Variants in CDH13 observed in about 807,000 individuals in gnomAD.
The protein encoded by CDH13 is cadherin 13, also known as cadherin-13.
A neutral mutation model predicts 63.8 loss-of-function variants in CDH13; 24 were observed. That is an observed-to-expected ratio of 0.38 (90% CI 0.27 to 0.53). The LOEUF is 0.53. CDH13 is among the 20% of genes least tolerant of loss of function. The pLI, the probability that CDH13 is intolerant of heterozygous loss-of-function variation, is 0.85. For synonymous variants in CDH13, 503 were observed against 355.3 expected (o/e 1.42, Z -4.67); for missense variants, 1,049 against 903.1 (o/e 1.16, Z -2.07).
chr16:83,167,499 C>CAAAAAAAAAAAAAAA (rs11430454), intron 4 of CDH13, among the ~76,000 whole-genome samples: 49 of 99,520 alleles, frequency 4.9e-4, no homozygotes, highest in African/African-American at 2.0e-3. Context: ...GACCCTTTCC[C>CAAAAAAAAAAAAAAA]AAAAAAAAAA....
intron 2 of CDH13, among the ~76,000 whole-genome samples, chr16:83,030,497 G>A (rs146049545): frequency 0.031 from 4,666 of 151,920 alleles, 95 homozygotes; most frequent in Non-Finnish European, 0.044. Context: ...ACAAAAATTA[G>A]CCAGGCATGA....
chr16:83,349,087 C>T (rs1489830019), intron 6 of CDH13, among the ~76,000 whole-genome samples: 2 of 152,188 alleles, frequency 1.3e-5, no homozygotes, highest in East Asian at 1.9e-4. Context: ...CTGCTCAGCA[C>T]TGAACTCCGG....
At chr16:83,247,574 C>G (rs2113291) in intron 5 of CDH13, among the ~76,000 whole-genome samples, 1 of 152,040 alleles carries the variant, frequency 6.6e-6, no homozygotes, top group Admixed American at 6.5e-5. Flanking sequence ...TCATGAAATC[C>G]TCTTTAAATA....
intron 4 of CDH13, among the ~76,000 whole-genome samples, chr16:83,154,722 G>A (rs1285379011): frequency 6.6e-6 from 1 of 152,128 alleles, no homozygotes; most frequent in Non-Finnish European, 1.5e-5. Context: ...ATTAGACACA[G>A]ACCCTGCCAG....
chr16:82,723,701 A>G (rs2032923252), intron 1 of CDH13, among the ~76,000 whole-genome samples: 1 of 152,190 alleles, frequency 6.6e-6, no homozygotes, highest in Non-Finnish European at 1.5e-5. Flanking sequence ...GTGAAAGATA[A>G]ATCTTTACAA....
At chr16:83,093,273 C>T (rs890401398) in intron 3 of CDH13, among the ~76,000 whole-genome samples, 1 of 121,064 alleles carries the variant, frequency 8.3e-6, no homozygotes, top group Non-Finnish European at 1.7e-5. Context: ...TTGGATTTGT[C>T]CTGTGGAAAC....
intron 6 of CDH13, among the ~76,000 whole-genome samples, chr16:83,450,072 A>G (rs2072842892): frequency 6.6e-6 from 1 of 152,118 alleles, no homozygotes; most frequent in Non-Finnish European, 1.5e-5. Flanking sequence ...CGACATCCCA[A>G]CTCTGACCCA....
chr16:83,187,666 C>CTCCA (rs1490805512), intron 4 of CDH13, among the ~76,000 whole-genome samples: 2 of 152,180 alleles, frequency 1.3e-5, no homozygotes, highest in African/African-American at 4.8e-5. Context: ...ATGCATTGAG[C>CTCCA]TCCAGCTACA....
chr16:83,260,376 C>T (rs1428268360), intron 5 of CDH13, among the ~76,000 whole-genome samples: 2 of 152,068 alleles, frequency 1.3e-5, no homozygotes, highest in African/African-American at 2.4e-5. Context: ...GGCTAGGTGT[C>T]CAGTGTTCTG....
chr16:83,057,534 A>G (rs1460115417), intron 3 of CDH13, among the ~76,000 whole-genome samples: 1 of 151,918 alleles, frequency 6.6e-6, no homozygotes, highest in Non-Finnish European at 1.5e-5. Flanking sequence ...TAGTAATTGG[A>G]TGACTCCCGC....
chr16:83,446,484 TA>T (rs2072692432), intron 6 of CDH13, among the ~76,000 whole-genome samples: 1 of 152,142 alleles, frequency 6.6e-6, no homozygotes, highest in African/African-American at 2.4e-5. Context: ...TAAAATAATG[TA>T]AATTATTCCC....
intron 2 of CDH13, chr16:82,884,212 A>G (rs1024980029): frequency 1.9e-4 from 87 of 455,774 alleles, no homozygotes; most frequent in African/African-American, 1.4e-3. Flanking sequence ...ACAGACTTTT[A>G]AAGTAGAGGC....
chr16:82,690,713 A>G (rs559869026), intron 1 of CDH13, among the ~76,000 whole-genome samples: 2 of 152,360 alleles, frequency 1.3e-5, no homozygotes, highest in East Asian at 3.9e-4. Context: ...GTTGTTCATG[A>G]ATAAAAGAAA....
chr16:83,136,949 A>G (rs1363197795), intron 4 of CDH13, among the ~76,000 whole-genome samples: 2 of 152,206 alleles, frequency 1.3e-5, no homozygotes, highest in Admixed American at 1.3e-4. Flanking sequence ...GCCAGTTTCA[A>G]GCTAGCAGCT....
At position 83,574,491 on chromosome 16, in the gene CDH13, G is replaced by C. The variant is rs554896555; in HGVS notation, c.961-27963G>C. On this transcript the variant is annotated intron_variant, in intron 7 of 13. Coordinates refer to ENST00000567109, the MANE Select transcript of CDH13 (RefSeq NM_001257.5). ...GCTGAGAACCAAATACCCAGGTCTG[G>C]ATTAGGTGTGTCACTTACAGTTGCT... Among the ~76,000 whole-genome samples, 16 of 152,268 alleles carry C rather than the reference G, an allele frequency of 1.1e-4. No homozygotes were observed. In the South Asian group the frequency reaches 3.3e-3, roughly 32 times the overall value.
chr16:83,128,799 G>A (rs975562739), intron 4 of CDH13, among the ~76,000 whole-genome samples: 1 of 152,172 alleles, frequency 6.6e-6, no homozygotes, highest in African/African-American at 2.4e-5. Flanking sequence ...AAGCAATTTG[G>A]TTTGCAAGCT....
chr16:83,086,155 G>C (rs2033582969), intron 3 of CDH13, among the ~76,000 whole-genome samples: 2 of 152,190 alleles, frequency 1.3e-5, no homozygotes, highest in Admixed American at 6.5e-5. Flanking sequence ...CAGGCCACTG[G>C]TGTCTTCCAG....
At chr16:83,587,591 A>C (rs1278645184) in intron 7 of CDH13, among the ~76,000 whole-genome samples, 1 of 152,188 alleles carries the variant, frequency 6.6e-6, no homozygotes, top group African/African-American at 2.4e-5. Flanking sequence ...CGCCCTTCTA[A>C]CTGCACTTGA....
At chr16:83,619,942 G>A (rs944486262) in intron 8 of CDH13, among the ~76,000 whole-genome samples, 1 of 152,166 alleles carries the variant, frequency 6.6e-6, no homozygotes, top group African/African-American at 2.4e-5. Flanking sequence ...TGTCTGGCAG[G>A]AGGAACTGAA....
Sources: gnomAD v4.1 joint callset for allele counts (sites outside exome capture counted in the v4.1 genomes callset) on GRCh38, gnomAD v4.1.1 for gene constraint, MANE v1.5 for transcripts, NCBI Gene and HGNC (gene_info 2026-07-23, HGNC 2026-07-21) for gene names.